Variants in TCTN1 observed in about 807,000 individuals in gnomAD.
The protein encoded by TCTN1 is tectonic family member 1.
TCTN1 carries 58 observed loss-of-function variants against 65.8 expected under a neutral mutation model. That is an observed-to-expected ratio of 0.88 (90% confidence interval 0.71 to 1.10). The LOEUF (loss-of-function observed/expected upper bound fraction) is 1.10. Among genes scored for constraint, TCTN1 ranks in the 50% least tolerant of loss-of-function variants. The probability of loss-of-function intolerance (pLI) is 0.00; values close to 1 mark genes in which losing one functional copy is unlikely to be tolerated. For synonymous variants in TCTN1, 273 were observed against 289.1 expected, an observed-to-expected ratio of 0.94 and a Z score of 0.57; for missense variants, 645 against 719.4, an observed-to-expected ratio of 0.90 and a Z score of 1.18.
Position 110,634,720 on chromosome 12 carries a change from C to T in TCTN1, c.763C>T (p.Gln255Ter), listed in dbSNP as rs1207885028. 1.2e-6 allele frequency: 2 copies of T among 1,612,328 alleles called. No homozygotes were observed. Among genetic ancestry groups the T allele is most frequent in the Non-Finnish European group, 1.7e-6 (2 of 1,179,216 alleles). ...VKCTRKINLE[Q>*]CEEIEALSMA... ...GTGCACCAGAAAAATAAATTTAGAACAGTGTGAAGAAATTGAAGCCCTCAG... is the reference window on the plus strand; with the variant it reads ...GTGCACCAGAAAAATAAATTTAGAATAGTGTGAAGAAATTGAAGCCCTCAG... Residue 255 changes from glutamine (Q) to a stop codon, truncating the protein, a stop_gained, in exon 6 of 15, where the codon CAG becomes TAG. Coordinates refer to ENST00000397659, the MANE Select transcript of TCTN1 (RefSeq NM_001082538.3). LOFTEE classifies it high-confidence loss of function.
intron 12 of TCTN1, 95 bp downstream of exon 12, chr12:110,645,224 G>A: frequency 1.3e-6 from 2 of 1,538,986 alleles, no homozygotes; most frequent in Non-Finnish European, 1.8e-6. Context: ...TAAGGAGGCA[G>A]GATGGCCCTG....
At chr12:110,623,447 A>G (rs1459903716) in intron 2 of TCTN1, among the ~76,000 whole-genome samples, 3 of 152,202 alleles carry the variant, frequency 2.0e-5, no homozygotes, top group Admixed American at 1.3e-4. Context: ...GTTGGTGAGA[A>G]TGTATATTGT....
chr12:110,623,594 G>T (rs889563294), intron 2 of TCTN1, among the ~76,000 whole-genome samples: 1 of 152,262 alleles, frequency 6.6e-6, no homozygotes, highest in Non-Finnish European at 1.5e-5. Context: ...GTATGTATAA[G>T]GTTGTCATTA....
intron 7 of TCTN1, among the ~76,000 whole-genome samples, chr12:110,636,751 G>A (rs570016464): frequency 3.9e-5 from 6 of 152,302 alleles, no homozygotes; most frequent in South Asian, 2.1e-4. Context: ...CACCACTGTC[G>A]TGACCAGCAG....
At position 110,641,136 on chromosome 12, in the gene TCTN1, T is replaced by C. The variant is rs2066922135; in HGVS notation, c.1091T>C (p.Ile364Thr). The C allele has an allele frequency of 6.2e-7, 1 of 1,614,222 alleles. No homozygotes were observed. Among genetic ancestry groups the C allele is most frequent in the Non-Finnish European group, 8.5e-7 (1 of 1,180,044 alleles). Residue 364 changes from isoleucine (I) to threonine (T), a missense_variant, in exon 9 of 15, where the codon ATT becomes ACT. Transcript: ENST00000397659. Reference protein sequence around the residue: ...VVVPLQQKFEIHFLQENTQPV... With the variant: ...VVVPLQQKFETHFLQENTQPV... ...GTCCCACTGCAGCAAAAGTTTGAAATTCATTTTCTTCAGGTAAGGTTGATC... is the reference window on the plus strand; with the variant it reads ...GTCCCACTGCAGCAAAAGTTTGAAACTCATTTTCTTCAGGTAAGGTTGATC...
At chr12:110,615,591 C>T (rs1018608211) in intron 1 of TCTN1, among the ~76,000 whole-genome samples, 3 of 152,146 alleles carry the variant, frequency 2.0e-5, no homozygotes, top group Non-Finnish European at 4.4e-5. Flanking sequence ...AGGGATCCTT[C>T]TGCCTCAGCC....
At chr12:110,647,423 A>G (rs2067405293) in intron 13 of TCTN1, 87 bp downstream of exon 13, 26 of 1,543,870 alleles carry the variant, frequency 1.7e-5, no homozygotes, top group Non-Finnish European at 2.2e-5. Flanking sequence ...TTACTTTGTG[A>G]AAAAGATTAT....
chr12:110,634,287 G>A (rs80344815), intron 5 of TCTN1: 160 of 414,830 alleles, frequency 3.9e-4, no homozygotes, highest in African/African-American at 3.1e-3. Context: ...GTGGTAGCTG[G>A]GGGGCAGGAC....
chr12:110,643,539 G>T (rs1194932617), intron 11 of TCTN1: 1 of 151,882 alleles, frequency 6.6e-6, no homozygotes, highest in Non-Finnish European at 1.5e-5. Flanking sequence ...TTGGTTTTAT[G>T]AATTTTTTAT....
At position 110,640,196 on chromosome 12, in the gene TCTN1, T is replaced by A. The variant is rs1414943948; in HGVS notation, c.844-187T>A. 1.3e-5 allele frequency among the ~76,000 whole-genome samples: 2 copies of A among 152,232 alleles called. No homozygotes were observed. The highest frequency in any genetic ancestry group is 2.9e-5 in the Non-Finnish European group (2 of 68,036). On this transcript the variant is annotated intron_variant, in intron 7 of 14. Transcript: ENST00000397659. The surrounding 1 kb of genome is among the most constrained non-coding windows in gnomAD (Gnocchi z 4.9). ...AGTTTTGGTTATATCCTCTCAAGTA[T>A]TTTCTTTGTGAATGTATATATGTTT... is the stretch of plus-strand genomic sequence containing the variant.
intron 3 of TCTN1, chr12:110,628,048 A>G (rs2065971453): frequency 6.5e-7 from 1 of 1,535,604 alleles, no homozygotes; most frequent in African/African-American, 1.4e-5. Flanking sequence ...TCTTCTGTAC[A>G]CAGCACATTT....
intron 1 of TCTN1, among the ~76,000 whole-genome samples, chr12:110,617,323 A>G (rs61663407): frequency 0.08 from 12,121 of 151,772 alleles, 526 homozygotes; most frequent in Middle Eastern, 0.11. Flanking sequence ...TGCAGAGTGC[A>G]TTATACCTTT....
chr12:110,616,015 T>G (rs2065009161), intron 1 of TCTN1, among the ~76,000 whole-genome samples: 1 of 152,196 alleles, frequency 6.6e-6, no homozygotes. Flanking sequence ...AAATTGTTGA[T>G]TTGATGAATT....
intron 7 of TCTN1, 125 bp downstream of exon 7, chr12:110,636,626 A>G (rs2066589402): frequency 4.9e-6 from 3 of 609,978 alleles, no homozygotes; most frequent in African/African-American, 3.7e-5. Flanking sequence ...TAGCAAATAC[A>G]TTTGCCAAAA....
chr12:110,636,204 A>G (rs955418768), intron 6 of TCTN1: 4 of 416,502 alleles, frequency 9.6e-6, no homozygotes, highest in Admixed American at 3.6e-5. Context: ...GAAATATACA[A>G]TAATGACCCT....
At position 110,639,301 on chromosome 12, in the gene TCTN1, T is replaced by C. The variant is rs2066794212; in HGVS notation, c.844-1082T>C. Among the ~76,000 whole-genome samples the C allele has an allele frequency of 6.6e-6, 1 of 152,238 alleles. No individual in the cohort carries two copies. Among genetic ancestry groups the C allele is most frequent in the Non-Finnish European group, 1.5e-5 (1 of 68,038 alleles). On this transcript the variant is annotated intron_variant, in intron 7 of 14. Transcript: ENST00000397659. The surrounding 1 kb of genome is among the most constrained non-coding windows in gnomAD (Gnocchi z 4.9). ...CTTTAGAGGATGGCTTGATGCCTTG[T>C]TACTCTGCTGGTGGTGGCCATGAAT...
At chr12:110,637,793 CTG>C (rs2066678442) in intron 7 of TCTN1, among the ~76,000 whole-genome samples, 1 of 152,248 alleles carries the variant, frequency 6.6e-6, no homozygotes, top group Admixed American at 6.5e-5. Context: ...CTGGAACCGT[CTG>C]TGGGGGCAGC....
At position 110,647,772 on chromosome 12, in the gene TCTN1, G is replaced by T. The variant is rs777278093; in HGVS notation, c.1659G>T (p.Thr553=). The T allele has an allele frequency of 6.2e-7, 1 of 1,614,188 alleles. No individual in the cohort carries two copies. Among genetic ancestry groups the T allele is most frequent in the Non-Finnish European group, 8.5e-7 (1 of 1,180,044 alleles). Residue 553 remains threonine, a synonymous_variant, in exon 14 of 15, where the codon ACG becomes ACT. Transcript: ENST00000397659. ...FPEANSGNER[T]ILISTAVTFV... ...AGGCCAACTCAGGAAATGAAAGGAC[G>T]ATTCTTATTTCCACTGCGGTTACTT...
In TCTN1 at chr12:110,619,928, T is replaced by C; in HGVS notation, c.313T>C (p.Phe105Leu). 1 of 1,614,178 alleles carries C rather than the reference T, an allele frequency of 6.2e-7. No homozygotes were observed. ...PDCSSVDFSV[F>L]SACSVPVVTG... Reference sequence around the variant, plus strand: ...CTGCAGCTCCGTGGATTTCAGTGTCTTTTCTGCCTGCTCAGTTCCAGTTGT... The same window carrying C: ...CTGCAGCTCCGTGGATTTCAGTGTCCTTTCTGCCTGCTCAGTTCCAGTTGT... The change falls in exon 2 of 15, where the codon TTT (phenylalanine) becomes CTT (leucine). Residue 105 changes from phenylalanine to leucine, a missense_variant. By Grantham distance (22) the Phe-to-Leu change is conservative. Coordinates refer to ENST00000397659, the MANE Select transcript of TCTN1 (RefSeq NM_001082538.3).
Sources: gnomAD v4.1 joint callset for allele counts (sites outside exome capture counted in the v4.1 genomes callset) on GRCh38, gnomAD v4.1.1 for gene constraint, Gnocchi (gnomAD v3.1) non-coding constraint, MANE v1.5 for transcripts, NCBI Gene and HGNC (gene_info 2026-07-23, HGNC 2026-07-21) for gene names.